Variants in PLEKHB2 observed in about 807,000 individuals in gnomAD.
The protein encoded by PLEKHB2 is pleckstrin homology domain-containing family B member 2.
A neutral mutation model predicts 36.5 loss-of-function variants in PLEKHB2; 31 were observed. The observed-to-expected ratio is 0.85, with a 90% confidence interval of 0.64 to 1.15. PLEKHB2 has a LOEUF of 1.15. Among genes scored for constraint, PLEKHB2 ranks in the 50% most tolerant of loss-of-function variants. The probability of loss-of-function intolerance (pLI) is 0.00; values close to 1 mark genes in which losing one functional copy is unlikely to be tolerated. For synonymous variants in PLEKHB2, 119 were observed against 112.0 expected, an observed-to-expected ratio of 1.06 and a Z score of -0.39; for missense variants, 262 against 295.3, an observed-to-expected ratio of 0.89 and a Z score of 0.83.
At chr2:131,121,428 A>G (rs1368580747) in intron 2 of PLEKHB2, among the ~76,000 whole-genome samples, 1 of 151,894 alleles carries the variant, frequency 6.6e-6, no homozygotes, top group Non-Finnish European at 1.5e-5. Flanking sequence ...TTGTATTTTT[A>G]GTAGAGAAGG....
In PLEKHB2 at chr2:131,146,702, G is replaced by A. The variant is rs1559117985; in HGVS notation, c.598G>A (p.Asp200Asn). ...AGAGCGCTATCGAGACAACGACAGC[G>A]ACCTGGCACTGGGCATGCTGGCAGG... ...IRERYRDNDS[D>N]LALGMLAGAA... The change falls in exon 8 of 8, where the codon GAC becomes AAC. Residue 200 changes from aspartate (D) to asparagine (N), a missense_variant. Transcript: ENST00000693505. 9 of 1,613,990 alleles carry A rather than the reference G, an allele frequency of 5.6e-6. No homozygotes were observed. Among genetic ancestry groups the A allele is most frequent in the East Asian group, 2.2e-5 (1 of 44,874 alleles).
At chr2:131,133,206 T>C (rs970983271) in intron 6 of PLEKHB2, among the ~76,000 whole-genome samples, 2 of 152,228 alleles carry the variant, frequency 1.3e-5, no homozygotes, top group African/African-American at 4.8e-5. Context: ...GTAACACGTT[T>C]TTAAGATAGA....
intron 1 of PLEKHB2, among the ~76,000 whole-genome samples, chr2:131,113,311 G>A (rs1016508403): frequency 3.9e-5 from 6 of 152,036 alleles, no homozygotes; most frequent in Admixed American, 2.6e-4. Flanking sequence ...GAGCTCAAGT[G>A]GTCCCCTGAC....
At chr2:131,122,919 C>T (rs1421498204) in intron 2 of PLEKHB2, among the ~76,000 whole-genome samples, 1 of 152,196 alleles carries the variant, frequency 6.6e-6, no homozygotes, top group Non-Finnish European at 1.5e-5. Flanking sequence ...GGGACCCTTG[C>T]TCAGACCTTG....
intron 2 of PLEKHB2, among the ~76,000 whole-genome samples, chr2:131,121,741 C>A (rs1696538809): frequency 6.6e-6 from 1 of 151,964 alleles, no homozygotes; most frequent in Non-Finnish European, 1.5e-5. Context: ...CATCTAAAAC[C>A]AAAACTTTTG....
chr2:131,107,163 C>T (rs1454305074), intron 1 of PLEKHB2, among the ~76,000 whole-genome samples: 3 of 152,174 alleles, frequency 2.0e-5, no homozygotes, highest in African/African-American at 7.2e-5. Flanking sequence ...TAAAGAATTA[C>T]CTTATTAATA....
intron 5 of PLEKHB2, among the ~76,000 whole-genome samples, chr2:131,131,757 C>T (rs892824717): frequency 6.9e-6 from 1 of 145,330 alleles, no homozygotes; most frequent in Non-Finnish European, 1.5e-5. Context: ...TGAAAATCCC[C>T]CTTTTTTTTT....
chr2:131,110,859 C>CT (rs1166138475), intron 1 of PLEKHB2, among the ~76,000 whole-genome samples: 1 of 152,136 alleles, frequency 6.6e-6, no homozygotes, highest in Admixed American at 6.6e-5. Flanking sequence ...GTCATCCTAC[C>CT]TATGGAGAAT....
At chr2:131,121,124 C>A in intron 2 of PLEKHB2, 146 bp downstream of exon 2, 1 of 721,288 alleles carries the variant, frequency 1.4e-6, no homozygotes, top group Non-Finnish European at 2.3e-6. Flanking sequence ...ATTCCTAGAT[C>A]TCTGTGAACT....
In PLEKHB2 at chr2:131,147,298, C is replaced by T. The variant is rs867303117; in HGVS notation, c.*525C>T. 1 of 152,304 alleles carries T rather than the reference C, an allele frequency of 6.6e-6. No homozygotes were observed. The highest frequency in any genetic ancestry group is 1.5e-5 in the Non-Finnish European group (1 of 68,096). 9.4% of individuals were successfully genotyped at this position (152,304 alleles called of 1,614,324 possible). ...AGAGCCCCCGTCCTGCCCTCTGGGG[C>T]TCCACAGGCCCCTGGCAAGGCCGAT... is the stretch of plus-strand genomic sequence containing the variant. On this transcript the variant is annotated 3_prime_UTR_variant, in exon 8 of 8. Transcript: ENST00000693505.
At chr2:131,127,403 T>C (rs1025277668) in intron 4 of PLEKHB2, among the ~76,000 whole-genome samples, 1 of 152,236 alleles carries the variant, frequency 6.6e-6, no homozygotes, top group Non-Finnish European at 1.5e-5. Context: ...TCTTTTCTTA[T>C]AAAGGACACC....
At chr2:131,134,278 C>T (rs2104922363) in intron 6 of PLEKHB2, among the ~76,000 whole-genome samples, 1 of 152,198 alleles carries the variant, frequency 6.6e-6, no homozygotes, top group South Asian at 2.1e-4. Context: ...CCTCCACCTC[C>T]CGGGTTCAAG....
intron 1 of PLEKHB2, among the ~76,000 whole-genome samples, chr2:131,114,499 G>A (rs1242749447): frequency 6.6e-6 from 1 of 152,118 alleles, no homozygotes; most frequent in African/African-American, 2.4e-5. Flanking sequence ...TTCTGCAGCA[G>A]GCTTGAATTT....
intron 1 of PLEKHB2, among the ~76,000 whole-genome samples, chr2:131,116,351 G>C (rs898809893): frequency 6.6e-6 from 1 of 152,172 alleles, no homozygotes; most frequent in African/African-American, 2.4e-5. Context: ...AAACACCAGA[G>C]AAAACATAGG....
At chr2:131,111,372 T>C (rs1695303811) in intron 1 of PLEKHB2, among the ~76,000 whole-genome samples, 1 of 151,772 alleles carries the variant, frequency 6.6e-6, no homozygotes, top group African/African-American at 2.4e-5. Flanking sequence ...TTTTTTTTTT[T>C]TTTTTTAGCT....
intron 1 of PLEKHB2, among the ~76,000 whole-genome samples, 181 bp downstream of exon 1, chr2:131,105,579 A>C (rs904502172): frequency 6.7e-6 from 1 of 150,076 alleles, no homozygotes; most frequent in South Asian, 2.1e-4. Flanking sequence ...GGGTCCGCCC[A>C]CCTCCCTGGA....
At position 131,146,785 on chromosome 2, in the gene PLEKHB2, T is replaced by G; in HGVS notation, c.*12T>G. ...TTTGGGTCTTCTAGGGGCCTCAAGG[T>G]CTTGATGTGCATAGCTTCTGATAAC... is the stretch of plus-strand genomic sequence containing the variant. On this transcript the variant is annotated 3_prime_UTR_variant, in exon 8 of 8. Transcript: ENST00000693505. The G allele has an allele frequency of 6.3e-7, 1 of 1,582,478 alleles. No homozygotes were observed. Among genetic ancestry groups the G allele is most frequent in the Non-Finnish European group, 8.6e-7 (1 of 1,164,004 alleles).
chr2:131,118,680 A>G (rs532942140), intron 1 of PLEKHB2, among the ~76,000 whole-genome samples: 3 of 151,864 alleles, frequency 2.0e-5, no homozygotes, highest in East Asian at 3.9e-4. Context: ...CCTGGCTAAC[A>G]TGGTGAAACC....
intron 4 of PLEKHB2, among the ~76,000 whole-genome samples, chr2:131,128,359 G>A (rs1462342641): frequency 6.6e-6 from 1 of 152,132 alleles, no homozygotes; most frequent in East Asian, 1.9e-4. Context: ...AAAGGAAAAT[G>A]CAAGCCTCAG....
Sources: gnomAD v4.1 joint callset for allele counts (sites outside exome capture counted in the v4.1 genomes callset) on GRCh38, gnomAD v4.1.1 for gene constraint, MANE v1.5 for transcripts, NCBI Gene and HGNC (gene_info 2026-07-23, HGNC 2026-07-21) for gene names.